Variants in B3GLCT observed in about 807,000 individuals in gnomAD.
B3GLCT encodes the protein beta-1,3-glucosyltransferase.
B3GLCT carries 65 observed loss-of-function variants against 63.4 expected under a neutral mutation model. The observed-to-expected ratio is 1.03, with a 90% CI of 0.84 to 1.26. The LOEUF is 1.26. Ranked by LOEUF, B3GLCT falls within the 50% of genes most tolerant of loss-of-function variation. The pLI is 0.00. For missense variants in B3GLCT, 577 were observed against 604.8 expected (o/e 0.95, Z 0.48); for synonymous variants, 233 against 219.2 (o/e 1.06, Z -0.55).
At chr13:31,297,026 T>G (rs75800315) in intron 12 of B3GLCT, among the ~76,000 whole-genome samples, 1 of 87,882 alleles carries the variant, frequency 1.1e-5, no homozygotes, top group Non-Finnish European at 2.5e-5. Context: ...ACAGTACTTG[T>G]TTTTTTTTTT....
chr13:31,232,212 A>G (rs1870414031), intron 4 of B3GLCT, among the ~76,000 whole-genome samples: 1 of 152,226 alleles, frequency 6.6e-6, no homozygotes, highest in African/African-American at 2.4e-5. Flanking sequence ...TGGTTCTAGG[A>G]TCACTTGCCA....
intron 2 of B3GLCT, 107 bp downstream of exon 2, chr13:31,215,207 A>T: frequency 8.5e-7 from 1 of 1,171,616 alleles, no homozygotes. Context: ...TTTTATTGTT[A>T]CATAATTCAT....
At position 31,222,736 on chromosome 13, in the gene B3GLCT, C is replaced by T. The variant is rs1422841846; in HGVS notation, c.121-216C>T. Among the ~76,000 whole-genome samples, 5 of 152,178 alleles carry T rather than the reference C, an allele frequency of 3.3e-5. No homozygotes were observed. In the East Asian group the frequency reaches 9.6e-4, roughly 29 times the overall value. The stretch of plus-strand genomic sequence containing the variant: ...AAGATCACATGAGAAGGGCACAGCC[C>T]CAACTAAGAAGTCTGTCATGATACA... On this transcript the variant is annotated intron_variant, in intron 2 of 14. Transcript: ENST00000343307.
Position 31,286,769 on chromosome 13 carries a change from C to G in B3GLCT, c.1014C>G (p.Ser338Arg). ...FAILERFLNR[S>R]QDKTAWLVIV... ...TTTTGGAAAGATTTCTGAATCGTAG[C>G]CAGGACAAAACAGCATGGTTAGTCA... Residue 338 changes from serine to arginine, a missense_variant, in exon 12 of 15, where the codon AGC becomes AGG. Ser to Arg is a moderately radical substitution (Grantham distance 110). Coordinates refer to ENST00000343307, the MANE Select transcript of B3GLCT (RefSeq NM_194318.4). 6.2e-7 allele frequency: 1 copy of G among 1,613,412 alleles called. No individual in the cohort carries two copies. The highest frequency in any genetic ancestry group is 8.5e-7 in the Non-Finnish European group (1 of 1,179,622).
chr13:31,208,622 C>CT (rs1465141932), intron 1 of B3GLCT, among the ~76,000 whole-genome samples: 13 of 114,226 alleles, frequency 1.1e-4, no homozygotes, highest in African/African-American at 4.8e-4. Flanking sequence ...TTTAGTGGCC[C>CT]CCCCCCCCCG....
Position 31,247,036 on chromosome 13 carries a change from T to C in B3GLCT, c.284T>C (p.Val95Ala). The C allele has an allele frequency of 6.2e-7, 1 of 1,612,418 alleles. No individual in the cohort carries two copies. Among genetic ancestry groups the C allele is most frequent in the Non-Finnish European group, 8.5e-7 (1 of 1,178,906 alleles). Residue 95 changes from valine (V) to alanine (A), a missense_variant, in exon 5 of 15, where the codon GTC (valine) becomes GCC (alanine). Physicochemically the swap from Val to Ala is moderately conservative, Grantham distance 64. Transcript: ENST00000343307. The part of the protein sequence containing the change: ...AADLTQELPS[V>A]LLLHQLAKQE... Reference sequence around the variant, plus strand: ...TTGTTTTCTCAGGAGCTCCCCAGTGTCCTCCTCCTTCATCAGCTGGCTAAA... The same window carrying C: ...TTGTTTTCTCAGGAGCTCCCCAGTGCCCTCCTCCTTCATCAGCTGGCTAAA...
At position 31,253,174 on chromosome 13, in the gene B3GLCT, C is replaced by T. The variant is rs150352500; in HGVS notation, c.459+5208C>T. Reference sequence around the variant, plus strand: ...GTCCTTTGAAACCAATGAGAACAAACGCACAACATACCAGACTCTCTGGGA... The same window carrying T: ...GTCCTTTGAAACCAATGAGAACAAATGCACAACATACCAGACTCTCTGGGA... On this transcript the variant is annotated intron_variant, in intron 6 of 14. Coordinates refer to ENST00000343307, the MANE Select transcript of B3GLCT (RefSeq NM_194318.4). 1.4e-4 allele frequency among the ~76,000 whole-genome samples: 22 copies of T among 152,178 alleles called. 1 individual carries two copies. In the East Asian group the frequency reaches 2.9e-3, roughly 20 times the overall value.
At chr13:31,274,402 A>C in intron 8 of B3GLCT, 107 bp from the exon 9 acceptor site, 1 of 1,423,570 alleles carries the variant, frequency 7.0e-7, no homozygotes, top group South Asian at 1.2e-5. Context: ...GGTTCAGCCT[A>C]CTCTCTATGG....
At chr13:31,300,997 G>C (rs1874196105) in intron 12 of B3GLCT, among the ~76,000 whole-genome samples, 2 of 152,172 alleles carry the variant, frequency 1.3e-5, no homozygotes, top group Admixed American at 6.5e-5. Flanking sequence ...TGATTAGCTT[G>C]ACCTACGCCC....
At chr13:31,231,974 G>A (rs367610551) in intron 4 of B3GLCT, among the ~76,000 whole-genome samples, 69 of 152,340 alleles carry the variant, frequency 4.5e-4, no homozygotes, top group African/African-American at 1.6e-3. Flanking sequence ...TAGGAATGGA[G>A]AATGTGTTAT....
chr13:31,211,623 G>A (rs1393534046), intron 1 of B3GLCT, among the ~76,000 whole-genome samples: 2 of 151,052 alleles, frequency 1.3e-5, no homozygotes, highest in Non-Finnish European at 2.9e-5. Context: ...TTTAACTCTA[G>A]GTCTATATTT....
intron 7 of B3GLCT, 52 bp downstream of exon 7, chr13:31,261,134 T>A (rs1303367923): frequency 3.8e-6 from 6 of 1,588,622 alleles, no homozygotes; most frequent in Admixed American, 1.7e-5. Context: ...TGCATCAACT[T>A]TAATTTCATT....
rs1055546336 is a variant in B3GLCT, at chr13:31,229,831, A to G, written c.270+537A>G. Among the ~76,000 whole-genome samples the G allele has an allele frequency of 3.0e-4, 45 of 148,642 alleles. No individual in the cohort carries two copies. The South Asian group carries it at 6.1e-3, about 20-fold the overall frequency. ...TCTGAATTTTTTTTTGTGTGTGTGT[A>G]TATATATATATAAAAATATATATAA... On this transcript the variant is annotated intron_variant, in intron 4 of 14. Coordinates refer to ENST00000343307, the MANE Select transcript of B3GLCT (RefSeq NM_194318.4).
intron 12 of B3GLCT, among the ~76,000 whole-genome samples, chr13:31,295,534 G>A (rs1873891290): frequency 2.0e-5 from 3 of 152,202 alleles, no homozygotes. Context: ...AATCTAGAGA[G>A]GCAGTCTGGC....
At chr13:31,311,796 A>G (rs192443755) in intron 12 of B3GLCT, 1 of 152,354 alleles carries the variant, frequency 6.6e-6, no homozygotes, top group Non-Finnish European at 1.5e-5. Context: ...CAAGGAATCG[A>G]TTCTCAGTAC....
rs1244853539 is a variant in B3GLCT at position 31,331,963 on chromosome 13, C to G, written c.*2295C>G. ...TTTTAAGCCATTTCTGATGATATAG[C>G]CAAAGCAGGTTGTCTGACTATGTAG... is the stretch of plus-strand genomic sequence containing the variant. On this transcript the variant is annotated 3_prime_UTR_variant, in exon 15 of 15. Transcript: ENST00000343307. The G allele has an allele frequency of 6.6e-6, 1 of 152,128 alleles. No homozygotes were observed. The highest frequency in any genetic ancestry group is 2.4e-5 in the African/African-American group (1 of 41,432). The allele number at this position is 152,128 out of a possible 1,614,324, so 9.4% of individuals were successfully genotyped here.
At chr13:31,259,441 C>G (rs9542729) in intron 6 of B3GLCT, among the ~76,000 whole-genome samples, 28,067 of 151,662 alleles carry the variant, frequency 0.19, 2,690 homozygotes, top group South Asian at 0.27. Context: ...CCATTTTGTC[C>G]TGGCAGTCTG....
intron 14 of B3GLCT, among the ~76,000 whole-genome samples, chr13:31,326,332 G>A (rs992238650): frequency 5.9e-5 from 7 of 119,026 alleles, no homozygotes; most frequent in African/African-American, 2.3e-4. Context: ...CACCCAGGCT[G>A]GAATGCAGTG....
intron 4 of B3GLCT, among the ~76,000 whole-genome samples, chr13:31,232,156 G>A (rs553519267): frequency 1.7e-4 from 26 of 152,292 alleles, no homozygotes; most frequent in South Asian, 2.1e-4. Flanking sequence ...ATCTTCCACC[G>A]CTCATCCCCT....
Sources: allele counts gnomAD v4.1 joint callset (sites outside exome capture counted in the v4.1 genomes callset), GRCh38; gene constraint gnomAD v4.1.1; transcripts MANE v1.5; gene names NCBI Gene and HGNC (gene_info 2026-07-23, HGNC 2026-07-21).